The following FBXO16 variants were observed in gnomAD, a reference collection of about 807,000 sequenced individuals.
FBXO16 encodes F-box only protein 16.
A neutral mutation model predicts 41.0 loss-of-function variants in FBXO16; 31 were observed. The ratio of observed to expected loss-of-function variants is 0.76; its 90% CI spans 0.57 to 1.02. FBXO16 has a LOEUF of 1.02. Ranked by LOEUF, FBXO16 falls within the 50% of genes least tolerant of loss-of-function variation. FBXO16 has a pLI of 0.00. For synonymous variants in FBXO16, 133 were observed against 117.8 expected, an observed-to-expected ratio of 1.13 and a Z score of -0.84; for missense variants, 361 against 346.2, an observed-to-expected ratio of 1.04 and a Z score of -0.34.
rs1377695219 is a variant in FBXO16 at position 28,468,326 on chromosome 8, T to C, written c.136-4508A>G. On this transcript the variant is annotated intron_variant, in intron 3 of 8. Coordinates refer to ENST00000380254, the MANE Select transcript of FBXO16 (RefSeq NM_172366.4). ...TTTTTAGAGTAGTTGTTACAAGGAT[T>C]CTTGCTGCCATTTCAGGAAGTGAGA... 2.0e-5 allele frequency among the ~76,000 whole-genome samples: 3 copies of C among 152,160 alleles called. No homozygotes were observed. In the East Asian group the frequency reaches 5.8e-4, roughly 29 times the overall value.
At chr8:28,450,262 C>T (rs2130121794) in intron 6 of FBXO16, among the ~76,000 whole-genome samples, 1 of 152,228 alleles carries the variant, frequency 6.6e-6, no homozygotes, top group South Asian at 2.1e-4. Flanking sequence ...AACGGGATAT[C>T]TACATGCAAA....
Position 28,449,969 on chromosome 8 carries a change from C to CAAA in FBXO16, c.740+2272_740+2274dup, listed in dbSNP as rs146418264. The stretch of plus-strand genomic sequence containing the variant: ...CCTGGGTGACAGAGCAAGACTGTCT[C>CAAA]AAAAAAAAAAGAAAAAAAAAAAAAA... On this transcript the variant is annotated intron_variant, in intron 6 of 8. Coordinates refer to ENST00000380254, the MANE Select transcript of FBXO16 (RefSeq NM_172366.4). 7.6e-3 allele frequency among the ~76,000 whole-genome samples: 772 copies of CAAA among 100,922 alleles called. 15 individuals carry two copies. The highest frequency in any genetic ancestry group is 0.026 in the African/African-American group (706 of 27,584). 66.2% of individuals were successfully genotyped at this position (100,922 alleles called of 152,430 possible).
intron 7 of FBXO16, among the ~76,000 whole-genome samples, chr8:28,430,223 C>T (rs1293750439): frequency 6.6e-6 from 1 of 152,162 alleles, no homozygotes; most frequent in Admixed American, 6.6e-5. Context: ...CAGGTATGCA[C>T]AACCATGCCT....
intron 3 of FBXO16, among the ~76,000 whole-genome samples, chr8:28,472,704 C>A (rs1452774049): frequency 6.6e-6 from 1 of 152,084 alleles, no homozygotes; most frequent in Non-Finnish European, 1.5e-5. Context: ...GAGATGGCAC[C>A]ATTACACTCC....
At chr8:28,436,729 T>C (rs1287447370) in intron 7 of FBXO16, among the ~76,000 whole-genome samples, 1 of 152,152 alleles carries the variant, frequency 6.6e-6, no homozygotes, top group African/African-American at 2.4e-5. Flanking sequence ...CACACACACA[T>C]GCTACATACA....
Position 28,482,737 on chromosome 8 carries a change from A to AT in FBXO16, c.99+610dup, listed in dbSNP as rs11318171. 6.4e-3 allele frequency among the ~76,000 whole-genome samples: 932 copies of AT among 146,030 alleles called. 7 individuals carry two copies. The highest frequency in any genetic ancestry group is 0.017 in the African/African-American group (676 of 39,804). ...AGGTACACACCACCACGCCCAGCTAATTTTTTTTTTTTTGTATTTTTAGTA... is the reference window on the plus strand; with the variant it reads ...AGGTACACACCACCACGCCCAGCTAATTTTTTTTTTTTTTGTATTTTTAGTA... On this transcript the variant is annotated intron_variant, in intron 2 of 8. Coordinates refer to ENST00000380254, the MANE Select transcript of FBXO16 (RefSeq NM_172366.4).
intron 4 of FBXO16, among the ~76,000 whole-genome samples, chr8:28,460,225 G>GTATATATATA (rs771679568): frequency 4.0e-5 from 3 of 75,226 alleles, no homozygotes; most frequent in African/African-American, 7.0e-5. Context: ...ATATGTGTGT[G>GTATATATATA]TATATATATA....
intron 7 of FBXO16, among the ~76,000 whole-genome samples, chr8:28,443,531 T>C (rs1802812614): frequency 6.6e-6 from 1 of 152,130 alleles, no homozygotes; most frequent in Admixed American, 6.6e-5. Flanking sequence ...CTCACCTGCT[T>C]CTCTAGGTCC....
intron 5 of FBXO16, among the ~76,000 whole-genome samples, chr8:28,454,353 C>T (rs1405114952): frequency 6.6e-6 from 1 of 151,666 alleles, no homozygotes; most frequent in Non-Finnish European, 1.5e-5. Flanking sequence ...TTTAATACTG[C>T]TGGGAATAAA....
At chr8:28,444,635 G>A (rs898460793) in intron 7 of FBXO16, among the ~76,000 whole-genome samples, 47 of 149,762 alleles carry the variant, frequency 3.1e-4, no homozygotes, top group Non-Finnish European at 5.5e-4. Context: ...CCGCCACTTC[G>A]CCGAGCTAAT....
At chr8:28,450,605 A>G (rs1802937466) in intron 6 of FBXO16, among the ~76,000 whole-genome samples, 2 of 152,122 alleles carry the variant, frequency 1.3e-5, no homozygotes, top group South Asian at 2.1e-4. Context: ...TCTGTCACCA[A>G]CCTGACTCCA....
chr8:28,431,899 C>G (rs1802610469), intron 7 of FBXO16, among the ~76,000 whole-genome samples: 1 of 152,150 alleles, frequency 6.6e-6, no homozygotes, highest in South Asian at 2.1e-4. Flanking sequence ...AATCTCCCCC[C>G]ACCTCATCCT....
At chr8:28,452,503 T>G in intron 5 of FBXO16, 27 bp from the exon 6 acceptor site, 1 of 1,607,938 alleles carries the variant, frequency 6.2e-7, no homozygotes, top group Non-Finnish European at 8.5e-7. Context: ...AATTATGTTC[T>G]CAAAACACTA....
At chr8:28,446,947 T>C (rs1019455589) in intron 7 of FBXO16, 5 of 413,558 alleles carry the variant, frequency 1.2e-5, no homozygotes, top group South Asian at 4.2e-5. Flanking sequence ...GTTCATCCAG[T>C]CTTTTTCTTT....
rs377367222 is a variant in FBXO16 at position 28,452,233 on chromosome 8, G to A, written c.740+11C>T. 6.2e-7 allele frequency: 1 copy of A among 1,608,224 alleles called. No individual in the cohort carries two copies. Among genetic ancestry groups the A allele is most frequent in the Admixed American group, 1.7e-5 (1 of 59,562 alleles). ...AAACGAAGAAGTTGAGAAGAGCATG[G>A]AGCTTCTTACCCTTGCTGGACAGTC... On this transcript the variant is annotated intron_variant, in intron 6 of 8. Coordinates refer to ENST00000380254, the MANE Select transcript of FBXO16 (RefSeq NM_172366.4).
intron 6 of FBXO16, 190 bp from the exon 7 acceptor site, chr8:28,447,463 A>C: frequency 1.9e-6 from 1 of 539,574 alleles, no homozygotes; most frequent in Non-Finnish European, 3.3e-6. Flanking sequence ...CACACAATGC[A>C]GTACTATGAG....
At chr8:28,452,618 T>C (rs1802974047) in intron 5 of FBXO16, 142 bp from the exon 6 acceptor site, 2 of 696,042 alleles carry the variant, frequency 2.9e-6, no homozygotes, top group East Asian at 2.8e-5. Flanking sequence ...CTGGCCAACA[T>C]GGTGAAACCC....
chr8:28,482,556 T>TTTG (rs1029143242), intron 2 of FBXO16, among the ~76,000 whole-genome samples: 1 of 151,972 alleles, frequency 6.6e-6, no homozygotes, highest in African/African-American at 2.4e-5. Context: ...AATAAACGTC[T>TTTG]TTGTTGTTGT....
chr8:28,445,054 G>A (rs1226805863), intron 7 of FBXO16, among the ~76,000 whole-genome samples: 1 of 152,000 alleles, frequency 6.6e-6, no homozygotes, highest in Non-Finnish European at 1.5e-5. Context: ...GCTTGTCCTT[G>A]GCAAGCTCAT....
Sources: gnomAD v4.1 joint callset for allele counts (sites outside exome capture counted in the v4.1 genomes callset) on GRCh38, gnomAD v4.1.1 for gene constraint, MANE v1.5 for transcripts, NCBI Gene and HGNC (gene_info 2026-07-23, HGNC 2026-07-21) for gene names.